TNR: variants seen among roughly 807,000 people sequenced by gnomAD.
TNR encodes tenascin-R.
A neutral mutation model predicts 150.4 loss-of-function variants in TNR; 45 were observed. The ratio of observed to expected loss-of-function variants is 0.30; its 90% CI spans 0.24 to 0.38. The LOEUF is 0.38. Among genes scored for constraint, TNR ranks in the 10% least tolerant of loss-of-function variants. The pLI is 1.00. For missense variants in TNR, 1,544 were observed against 1,759.1 expected (o/e 0.88, Z 2.19); for synonymous variants, 687 against 678.4 (o/e 1.01, Z -0.20).
Position 175,406,613 on chromosome 1 carries a change from C to T in TNR, c.102G>A (p.Glu34=). 1 of 1,614,204 alleles carries T rather than the reference C, an allele frequency of 6.2e-7. No homozygotes were observed. The highest frequency in any genetic ancestry group is 8.5e-7 in the Non-Finnish European group (1 of 1,180,034). ...SMIKPSECQL[E]VTTERVQRQS... The stretch of plus-strand genomic sequence containing the variant: ...GTCTCTGGACCCTTTCTGTGGTGAC[C>T]TCCAGCTGACACTCTGAAGGCTTGA... Residue 34 remains glutamate, a synonymous_variant, in exon 3 of 23, where the codon GAG becomes GAA. Coordinates refer to ENST00000367674, the MANE Select transcript of TNR (RefSeq NM_003285.3).
chr1:175,661,019 A>G (rs1338327855), intron 1 of TNR, among the ~76,000 whole-genome samples: 1 of 152,212 alleles, frequency 6.6e-6, no homozygotes. Flanking sequence ...GTGTGTCGAC[A>G]TTATCATGAT....
chr1:175,469,628 AC>A (rs1657194237), intron 2 of TNR, among the ~76,000 whole-genome samples: 1 of 151,946 alleles, frequency 6.6e-6, no homozygotes, highest in African/African-American at 2.4e-5. Context: ...CTGCTTGGTA[AC>A]TAGAGGGACG....
intron 18 of TNR, among the ~76,000 whole-genome samples, chr1:175,350,812 A>G (rs1246035110): frequency 6.6e-6 from 1 of 152,194 alleles, no homozygotes; most frequent in Non-Finnish European, 1.5e-5. Context: ...CTTGCTTACA[A>G]TGAACCTCTT....
intron 1 of TNR, among the ~76,000 whole-genome samples, chr1:175,730,857 C>T (rs1667619283): frequency 6.6e-6 from 1 of 152,024 alleles, no homozygotes. Flanking sequence ...ACCTGCTGCA[C>T]ACACAGGCTT....
intron 1 of TNR, among the ~76,000 whole-genome samples, chr1:175,661,051 G>T (rs1476899358): frequency 6.6e-6 from 1 of 152,206 alleles, no homozygotes; most frequent in Non-Finnish European, 1.5e-5. Flanking sequence ...TTGGGTTTGG[G>T]CGGTGCCCCC....
intron 1 of TNR, among the ~76,000 whole-genome samples, chr1:175,630,707 C>A (rs552949638): frequency 6.6e-6 from 1 of 152,310 alleles, no homozygotes; most frequent in South Asian, 2.1e-4. Context: ...CACTGTTAGG[C>A]ATCCTTTTAA....
At chr1:175,411,790 TTACA>T (rs1364753123) in intron 2 of TNR, among the ~76,000 whole-genome samples, 3 of 152,064 alleles carry the variant, frequency 2.0e-5, no homozygotes, top group Non-Finnish European at 4.4e-5. Flanking sequence ...CCAAATAAGG[TTACA>T]TTCTGAGGTT....
Position 175,365,187 on chromosome 1 carries a change from G to A in TNR, c.2410C>T (p.Leu804Phe). 6.2e-7 allele frequency: 1 copy of A among 1,614,130 alleles called. No homozygotes were observed. ...TCCCTGGGGCTGTAGTTAAGAATGA[G>A]TCTGTCTGCTGGGGGAGATGGATCA... ...WSDPSPPADRLILNYSPRDEE... is the reference protein window; with the variant it reads ...WSDPSPPADRFILNYSPRDEE... The change falls in exon 12 of 23, where the codon CTC (leucine) becomes TTC (phenylalanine). Residue 804 changes from leucine to phenylalanine, a missense_variant. By Grantham distance (22) the Leu-to-Phe change is conservative. Coordinates refer to ENST00000367674, the MANE Select transcript of TNR (RefSeq NM_003285.3).
At chr1:175,408,212 C>T (rs563227903) in intron 2 of TNR, among the ~76,000 whole-genome samples, 10 of 152,236 alleles carry the variant, frequency 6.6e-5, no homozygotes, top group South Asian at 4.2e-4. Flanking sequence ...AATGTGTGAC[C>T]GTCGCTTCAG....
At chr1:175,354,062 T>C (rs1273291083) in intron 18 of TNR, among the ~76,000 whole-genome samples, 1 of 152,128 alleles carries the variant, frequency 6.6e-6, no homozygotes, top group Non-Finnish European at 1.5e-5. Context: ...GACAGGCTGG[T>C]CTCAAACTCC....
chr1:175,658,136 G>A (rs1180269517), intron 1 of TNR, among the ~76,000 whole-genome samples: 1 of 151,948 alleles, frequency 6.6e-6, no homozygotes, highest in South Asian at 2.1e-4. Flanking sequence ...TGAACCTCAA[G>A]ATGTGGAGTC....
Position 175,354,410 on chromosome 1 carries a change from G to A in TNR, c.3363C>T (p.Thr1121=). Residue 1121 remains threonine (T), a synonymous_variant, in exon 18 of 23, where the codon ACC becomes ACT. Coordinates refer to ENST00000367674, the MANE Select transcript of TNR (RefSeq NM_003285.3). ...CCTCACCTGTGGTGAAAGCGGTGGA[G>A]GTGATGCTGCTCCACGTGGTGTCCT... is the stretch of plus-strand genomic sequence containing the variant. The part of the protein sequence containing the change: ...AAQDTTWSSI[T]STAFTTGGRV... 2 of 1,614,088 alleles carry A rather than the reference G, an allele frequency of 1.2e-6. No homozygotes were observed. The highest frequency in any genetic ancestry group is 1.7e-6 in the Non-Finnish European group (2 of 1,179,964).
chr1:175,556,269 A>C (rs1187450786), intron 1 of TNR, among the ~76,000 whole-genome samples: 1 of 152,204 alleles, frequency 6.6e-6, no homozygotes, highest in Non-Finnish European at 1.5e-5. Flanking sequence ...CAAGCTCAAC[A>C]CACCCACATC....
chr1:175,461,925 T>C (rs1656836164), intron 2 of TNR, among the ~76,000 whole-genome samples: 1 of 152,202 alleles, frequency 6.6e-6, no homozygotes, highest in Admixed American at 6.5e-5. Context: ...GAGTCTAGGC[T>C]CTGTCACTTT....
chr1:175,535,720 G>A (rs572801674), intron 1 of TNR, among the ~76,000 whole-genome samples: 41 of 151,562 alleles, frequency 2.7e-4, no homozygotes, highest in African/African-American at 9.9e-4. Context: ...ATTTGGCTTT[G>A]GTAATGAGAA....
chr1:175,565,417 G>A (rs559123905), intron 1 of TNR, among the ~76,000 whole-genome samples: 17 of 152,328 alleles, frequency 1.1e-4, no homozygotes, highest in East Asian at 3.9e-4. Context: ...ATTTGAAAGG[G>A]CTTGAACCCA....
chr1:175,329,183 G>A (rs1649577441), intron 21 of TNR, among the ~76,000 whole-genome samples: 1 of 152,196 alleles, frequency 6.6e-6, no homozygotes, highest in South Asian at 2.1e-4. Flanking sequence ...TTAATTTCAA[G>A]AGTCATAAAA....
chr1:175,420,160 C>T (rs543605922), intron 2 of TNR, among the ~76,000 whole-genome samples: 1 of 152,336 alleles, frequency 6.6e-6, no homozygotes, highest in Admixed American at 6.5e-5. Flanking sequence ...TCTCTCACCT[C>T]TTTGGGGCTC....
At chr1:175,463,815 C>A (rs1388822479) in intron 2 of TNR, among the ~76,000 whole-genome samples, 1 of 152,184 alleles carries the variant, frequency 6.6e-6, no homozygotes, top group Non-Finnish European at 1.5e-5. Context: ...ACAGTTCAAC[C>A]AAACTGGGAT....
Sources: allele counts gnomAD v4.1 joint callset (sites outside exome capture counted in the v4.1 genomes callset), GRCh38; gene constraint gnomAD v4.1.1; transcripts MANE v1.5; gene names NCBI Gene and HGNC (gene_info 2026-07-23, HGNC 2026-07-21).